The following THRB variants were observed in gnomAD, a reference collection of about 807,000 sequenced individuals.
The protein encoded by THRB is nuclear receptor subfamily 1 group A member 2.
THRB carries 12 observed loss-of-function variants against 47.8 expected under a neutral mutation model. The ratio of observed to expected loss-of-function variants is 0.25; its 90% CI spans 0.16 to 0.41. The LOEUF is 0.41. Ranked by LOEUF, THRB falls within the 10% of genes least tolerant of loss-of-function variation. The pLI is 1.00. For synonymous variants in THRB, 218 were observed against 212.2 expected (o/e 1.03, Z -0.24); for missense variants, 348 against 589.2 (o/e 0.59, Z 4.24).
At chr3:24,428,628 TA>T (rs2070024648) in intron 1 of THRB, among the ~76,000 whole-genome samples, 1 of 152,052 alleles carries the variant, frequency 6.6e-6, no homozygotes, top group Non-Finnish European at 1.5e-5. Flanking sequence ...AAAGATGAGC[TA>T]AAGCTGCAGA....
intron 9 of THRB, among the ~76,000 whole-genome samples, chr3:24,129,268 C>G (rs1184279152): frequency 6.6e-6 from 1 of 152,166 alleles, no homozygotes; most frequent in Non-Finnish European, 1.5e-5. Flanking sequence ...TTGCTGACCC[C>G]AACCTCTGAG....
chr3:24,383,932 CCAA>C (rs902994777), intron 1 of THRB, among the ~76,000 whole-genome samples: 2 of 152,114 alleles, frequency 1.3e-5, no homozygotes, highest in Non-Finnish European at 2.9e-5. Context: ...CTAGCTCCTA[CCAA>C]CAATTCAAGA....
intron 4 of THRB, among the ~76,000 whole-genome samples, chr3:24,226,582 A>T (rs2047676563): frequency 6.6e-6 from 1 of 152,190 alleles, no homozygotes; most frequent in South Asian, 2.1e-4. Flanking sequence ...CTGCGAGGAA[A>T]GCATCCCAGC....
At chr3:24,482,953 T>C (rs760363494) in intron 1 of THRB, among the ~76,000 whole-genome samples, 11 of 152,196 alleles carry the variant, frequency 7.2e-5, no homozygotes, top group Non-Finnish European at 1.5e-4. Flanking sequence ...GAAAGACACA[T>C]ACTGTTTATT....
chr3:24,148,940 A>T (rs1185049383), intron 6 of THRB, among the ~76,000 whole-genome samples: 2 of 152,194 alleles, frequency 1.3e-5, no homozygotes, highest in Non-Finnish European at 2.9e-5. Context: ...GTTCCTAAGC[A>T]CTTGAGTCCA....
At position 24,122,851 on chromosome 3, in the gene THRB, G is replaced by A. The variant is rs1251367009; in HGVS notation, c.*33C>T. On this transcript the variant is annotated 3_prime_UTR_variant, in exon 11 of 11. Transcript: ENST00000646209. Reference sequence around the variant, plus strand: ...ATGGAATGAAATGACACCCAGTAGTGCTGTAGGAATTATGAGAATGAATCC... The same window carrying A: ...ATGGAATGAAATGACACCCAGTAGTACTGTAGGAATTATGAGAATGAATCC... The A allele has an allele frequency of 1.9e-6, 3 of 1,614,026 alleles. No individual in the cohort carries two copies. Among genetic ancestry groups the A allele is most frequent in the Non-Finnish European group, 2.5e-6 (3 of 1,179,912 alleles).
chr3:24,294,533 C>T (rs886972386), intron 3 of THRB, among the ~76,000 whole-genome samples: 3 of 152,178 alleles, frequency 2.0e-5, no homozygotes, highest in African/African-American at 7.2e-5. Context: ...GAGATATTTT[C>T]CTTCCTGTAA....
chr3:24,397,187 A>G (rs1038350656), intron 1 of THRB, among the ~76,000 whole-genome samples: 2 of 152,180 alleles, frequency 1.3e-5, no homozygotes, highest in Non-Finnish European at 2.9e-5. Context: ...ATGAATTTTT[A>G]AACAAGTGGA....
chr3:24,299,802 T>TTTTA lies in THRB; in HGVS notation c.-188-2432_-188-2431insTAAA, dbSNP rs1363344985. ...ATTTATTTATTTATTTTTTTTTTTT[T>TTTTA]AGCAAACATACCAGAGTTTATACCT... On this transcript the variant is annotated intron_variant, in intron 2 of 10. Coordinates refer to ENST00000646209, the MANE Select transcript of THRB (RefSeq NM_001354712.2). 5.6e-4 allele frequency among the ~76,000 whole-genome samples: 75 copies of TTTTA among 132,976 alleles called. 1 individual carries two copies. Among genetic ancestry groups the TTTTA allele is most frequent in the African/African-American group, 2.1e-3 (72 of 34,832 alleles). The allele number at this position is 132,976 out of a possible 152,430, so 87.2% of individuals were successfully genotyped here.
At chr3:24,326,760 T>C (rs1464731757) in intron 2 of THRB, among the ~76,000 whole-genome samples, 3 of 121,148 alleles carry the variant, frequency 2.5e-5, no homozygotes, top group African/African-American at 1.0e-4. Flanking sequence ...TCTTGTCTTT[T>C]TTTTTTTTTT....
At chr3:24,460,635 T>C (rs2073611497) in intron 1 of THRB, among the ~76,000 whole-genome samples, 2 of 152,308 alleles carry the variant, frequency 1.3e-5, no homozygotes, top group South Asian at 4.2e-4. Flanking sequence ...TCTATGAGAT[T>C]GTAGCTCCAG....
At chr3:24,261,738 T>C (rs924694052) in intron 3 of THRB, among the ~76,000 whole-genome samples, 4 of 152,156 alleles carry the variant, frequency 2.6e-5, no homozygotes, top group Non-Finnish European at 5.9e-5. Context: ...CCTATGCAAT[T>C]CTTGGAACTC....
intron 9 of THRB, among the ~76,000 whole-genome samples, chr3:24,130,518 G>A (rs779404732): frequency 1.9e-4 from 29 of 152,230 alleles, no homozygotes; most frequent in Non-Finnish European, 3.7e-4. Context: ...TTGTAGGGGT[G>A]ACAGACTCAG....
intron 1 of THRB, among the ~76,000 whole-genome samples, chr3:24,408,856 A>G (rs1285056762): frequency 6.6e-6 from 1 of 151,844 alleles, no homozygotes. Context: ...AAAATGGTGA[A>G]ATAACACAGG....
At chr3:24,420,965 T>C (rs1285124709) in intron 1 of THRB, among the ~76,000 whole-genome samples, 2 of 151,848 alleles carry the variant, frequency 1.3e-5, no homozygotes, top group Non-Finnish European at 2.9e-5. Context: ...CCATCAATCA[T>C]AGACTGGAAA....
chr3:24,164,841 G>C (rs1354787377), intron 5 of THRB, among the ~76,000 whole-genome samples: 2 of 152,158 alleles, frequency 1.3e-5, no homozygotes, highest in African/African-American at 2.4e-5. Context: ...GAAAAAAAGT[G>C]CTTGGAAATC....
chr3:24,170,486 T>C (rs1483711623), intron 5 of THRB, among the ~76,000 whole-genome samples: 1 of 152,204 alleles, frequency 6.6e-6, no homozygotes, highest in Admixed American at 6.5e-5. Flanking sequence ...AGTGGCTTTG[T>C]ACTGTATTTA....
At chr3:24,244,936 T>C (rs2150299118) in intron 3 of THRB, among the ~76,000 whole-genome samples, 1 of 152,322 alleles carries the variant, frequency 6.6e-6, no homozygotes, top group East Asian at 1.9e-4. Context: ...GGGGAAACTT[T>C]CTTTCTGCTC....
At chr3:24,311,973 C>T (rs913051218) in intron 2 of THRB, among the ~76,000 whole-genome samples, 4 of 152,196 alleles carry the variant, frequency 2.6e-5, no homozygotes, top group African/African-American at 9.7e-5. Context: ...CTCTTCTCTC[C>T]ACTTCCTCCA....
Sources: allele counts gnomAD v4.1 joint callset (sites outside exome capture counted in the v4.1 genomes callset), GRCh38; gene constraint gnomAD v4.1.1; transcripts MANE v1.5; gene names NCBI Gene and HGNC (gene_info 2026-07-23, HGNC 2026-07-21).